Variants in PTPRD observed in about 807,000 individuals in gnomAD.
PTPRD encodes the protein receptor-type tyrosine-protein phosphatase delta.
Under a neutral mutation model 214.5 loss-of-function variants are expected in PTPRD, and 34 were observed. The observed-to-expected ratio is 0.16, with a 90% confidence interval of 0.12 to 0.21. The LOEUF is 0.21. Ranked by LOEUF, PTPRD falls within the 10% of genes least tolerant of loss-of-function variation. The pLI is 1.00. For missense variants in PTPRD, 2,545 were observed against 2,398.7 expected (o/e 1.06, Z -1.27); for synonymous variants, 1,128 against 845.7 (o/e 1.33, Z -5.79).
intron 12 of PTPRD, among the ~76,000 whole-genome samples, chr9:8,678,879 G>T (rs1468498527): frequency 6.6e-6 from 1 of 152,206 alleles, no homozygotes; most frequent in East Asian, 1.9e-4. Flanking sequence ...TAGTAGAAAG[G>T]GTGATTTAAA....
chr9:10,328,978 C>G (rs1032510346), intron 3 of PTPRD, among the ~76,000 whole-genome samples: 7 of 151,678 alleles, frequency 4.6e-5, no homozygotes, highest in Admixed American at 3.3e-4. Context: ...ACTGTATCAG[C>G]TCTTCAGTGT....
intron 10 of PTPRD, among the ~76,000 whole-genome samples, chr9:9,082,205 T>G (rs1338169651): frequency 6.6e-6 from 1 of 152,092 alleles, no homozygotes; most frequent in African/African-American, 2.4e-5. Context: ...GCAAAAATCC[T>G]CAATAAAATA....
At chr9:10,042,275 C>T (rs2097309844) in intron 3 of PTPRD, among the ~76,000 whole-genome samples, 1 of 151,882 alleles carries the variant, frequency 6.6e-6, no homozygotes, top group African/African-American at 2.4e-5. Flanking sequence ...TACTATTATG[C>T]AGTTCTGAGG....
chr9:8,691,843 A>T (rs1455979186), intron 12 of PTPRD, among the ~76,000 whole-genome samples: 1 of 152,206 alleles, frequency 6.6e-6, no homozygotes, highest in African/African-American at 2.4e-5. Context: ...CCTTCATATT[A>T]GTCCCATCTC....
At chr9:8,472,505 A>G (rs766111858) in intron 30 of PTPRD, among the ~76,000 whole-genome samples, 3 of 152,188 alleles carry the variant, frequency 2.0e-5, no homozygotes, top group African/African-American at 4.8e-5. Context: ...AAGAGTCTAG[A>G]GCAGAGCTGT....
At chr9:8,676,555 G>A (rs1258465406) in intron 12 of PTPRD, among the ~76,000 whole-genome samples, 1 of 151,364 alleles carries the variant, frequency 6.6e-6, no homozygotes, top group African/African-American at 2.4e-5. Context: ...CTTGATTTTT[G>A]TGTGGGTTTC....
intron 3 of PTPRD, among the ~76,000 whole-genome samples, chr9:10,241,553 G>A (rs909424698): frequency 8.6e-5 from 13 of 151,798 alleles, no homozygotes; most frequent in African/African-American, 3.1e-4. Flanking sequence ...ATAACAACAC[G>A]GGTAATTCAA....
intron 2 of PTPRD, among the ~76,000 whole-genome samples, chr9:10,440,041 T>C (rs948886063): frequency 2.3e-4 from 35 of 151,362 alleles, no homozygotes; most frequent in Non-Finnish European, 4.6e-4. Flanking sequence ...TATAATAGTT[T>C]CAAATATAAA....
At chr9:9,228,698 G>C (rs915339242) in intron 9 of PTPRD, among the ~76,000 whole-genome samples, 5 of 152,046 alleles carry the variant, frequency 3.3e-5, no homozygotes, top group Admixed American at 2.0e-4. Context: ...ATGTCATAGA[G>C]TTACTATGGA....
chr9:9,770,806 C>T (rs2098746020), intron 5 of PTPRD, among the ~76,000 whole-genome samples: 1 of 151,876 alleles, frequency 6.6e-6, no homozygotes, highest in African/African-American at 2.4e-5. Context: ...TTTCTAGAGC[C>T]AAAGAAGTAT....
intron 2 of PTPRD, among the ~76,000 whole-genome samples, chr9:10,422,607 GA>G (rs879475314): frequency 6.6e-6 from 1 of 151,098 alleles, no homozygotes; most frequent in Non-Finnish European, 1.5e-5. Context: ...AAATTTACAA[GA>G]AAAAAAACAA....
chr9:8,532,572 G>T (rs567342207), intron 14 of PTPRD, among the ~76,000 whole-genome samples: 21 of 152,150 alleles, frequency 1.4e-4, no homozygotes, highest in African/African-American at 5.1e-4. Flanking sequence ...GAGGTGAAAA[G>T]AAAAACATTT....
Position 10,141,967 on chromosome 9 carries a change from C to A in PTPRD, c.-544-108177G>T, listed in dbSNP as rs531142274. ...CAGAACAGAGCCCTCAGAAATAAGG[C>A]CGCATATCTACAACTATCTGATCTT... On this transcript the variant is annotated intron_variant, in intron 3 of 45. Transcript: ENST00000381196. Among the ~76,000 whole-genome samples, 141 of 152,246 alleles carry A rather than the reference C, an allele frequency of 9.3e-4. 1 individual carries two copies. Among genetic ancestry groups the A allele is most frequent in the Admixed American group, 2.0e-3 (31 of 15,276 alleles).
chr9:10,262,088 A>G (rs1167125942), intron 3 of PTPRD, among the ~76,000 whole-genome samples: 1 of 152,164 alleles, frequency 6.6e-6, no homozygotes, highest in African/African-American at 2.4e-5. Context: ...TATTACATGC[A>G]TATTAAACCA....
rs764168261 is a variant in PTPRD, at chr9:8,504,402, G to C, written c.1681C>G (p.Arg561Gly). 3 of 1,613,946 alleles carry C rather than the reference G, an allele frequency of 1.9e-6. No homozygotes were observed. The highest frequency in any genetic ancestry group is 3.3e-5 in the Admixed American group (2 of 59,990). ...GATGTCCCTGGCTCAATGGTAATTCGTTGCTGGAAGCAATAAGAGAATGTG... is the reference window on the plus strand; with the variant it reads ...GATGTCCCTGGCTCAATGGTAATTCCTTGCTGGAAGCAATAAGAGAATGTG... The part of the protein sequence containing the change: ...YKDGEHGEEQ[R>G]ITIEPGTSYR... The change falls in exon 23 of 46, where the codon CGA becomes GGA. Residue 561 changes from arginine (R) to glycine (G), a missense_variant. Arg to Gly is a moderately radical substitution (Grantham distance 125). Coordinates refer to ENST00000381196, the MANE Select transcript of PTPRD (RefSeq NM_002839.4).
intron 11 of PTPRD, among the ~76,000 whole-genome samples, chr9:8,843,206 TATTTG>T (rs2097598639): frequency 6.6e-6 from 1 of 152,234 alleles, no homozygotes; most frequent in Admixed American, 6.5e-5. Context: ...TTTGTTCCTT[TATTTG>T]ATTTCCATGG....
intron 7 of PTPRD, among the ~76,000 whole-genome samples, chr9:9,730,069 G>C (rs1433842269): frequency 6.6e-6 from 1 of 152,004 alleles, no homozygotes; most frequent in Non-Finnish European, 1.5e-5. Flanking sequence ...TAATTTTTGA[G>C]GGGAGAGTAT....
chr9:9,445,361 T>C (rs2090022294), intron 8 of PTPRD, among the ~76,000 whole-genome samples: 1 of 152,178 alleles, frequency 6.6e-6, no homozygotes, highest in Non-Finnish European at 1.5e-5. Context: ...GAAAAAGTGG[T>C]TCTTCCTTTT....
At chr9:9,352,398 T>C (rs2051738466) in intron 9 of PTPRD, among the ~76,000 whole-genome samples, 1 of 151,168 alleles carries the variant, frequency 6.6e-6, no homozygotes, top group African/African-American at 2.4e-5. Flanking sequence ...TGTATATGTA[T>C]ATATATATCT....
Sources: allele counts gnomAD v4.1 joint callset (sites outside exome capture counted in the v4.1 genomes callset), GRCh38; gene constraint gnomAD v4.1.1; transcripts MANE v1.5; gene names NCBI Gene and HGNC (gene_info 2026-07-23, HGNC 2026-07-21).